The following HS3ST4 variants were observed in gnomAD, a reference collection of about 807,000 sequenced individuals.
The protein encoded by HS3ST4 is heparan sulfate-glucosamine 3-sulfotransferase 4, also known as heparan sulfate glucosamine 3-O-sulfotransferase 4.
A neutral mutation model predicts 29.2 loss-of-function variants in HS3ST4; 17 were observed. That is an observed-to-expected ratio of 0.58 (90% CI 0.40 to 0.87). HS3ST4 has a LOEUF of 0.87. HS3ST4 is among the 40% of genes least tolerant of loss of function. The probability of loss-of-function intolerance (pLI) is 0.00; values close to 1 mark genes in which losing one functional copy is unlikely to be tolerated. For missense variants in HS3ST4, 627 were observed against 634.5 expected (o/e 0.99, Z 0.13); for synonymous variants, 314 against 285.7 (o/e 1.10, Z -1.00).
chr16:25,738,374 C>T lies in HS3ST4; in HGVS notation c.734+45223C>T, dbSNP rs59453873. Among the ~76,000 whole-genome samples, 1,096 of 152,344 alleles carry T rather than the reference C, an allele frequency of 7.2e-3. 21 individuals carry two copies. The highest frequency in any genetic ancestry group is 0.025 in the African/African-American group (1,055 of 41,578). On this transcript the variant is annotated intron_variant, in intron 1 of 1. Coordinates refer to ENST00000331351, the MANE Select transcript of HS3ST4 (RefSeq NM_006040.3). Reference sequence around the variant, plus strand: ...TGCCAGGCACCCTGGCCTTCTCTCTCTTCTTTGAATAGTCCAATCTTGTTT... The same window carrying T: ...TGCCAGGCACCCTGGCCTTCTCTCTTTTCTTTGAATAGTCCAATCTTGTTT...
rs188798908 is a variant in HS3ST4 at position 26,076,776 on chromosome 16, G to C, written c.735-58836G>C. Among the ~76,000 whole-genome samples, 249 of 152,262 alleles carry C rather than the reference G, an allele frequency of 1.6e-3. 1 individual carries two copies. Among genetic ancestry groups the C allele is most frequent in the African/African-American group, 5.8e-3 (240 of 41,532 alleles). On this transcript the variant is annotated intron_variant, in intron 1 of 1. Coordinates refer to ENST00000331351, the MANE Select transcript of HS3ST4 (RefSeq NM_006040.3). ...ACTGCTTGTAAGAGTTCATAGAGTA[G>C]GCACTCTGAATTCCTTAGAAATTGT...
intron 1 of HS3ST4, among the ~76,000 whole-genome samples, chr16:26,006,615 A>G (rs1002882274): frequency 6.6e-6 from 1 of 152,208 alleles, no homozygotes; most frequent in Non-Finnish European, 1.5e-5. Context: ...TTGGATGGGC[A>G]TGCAATCATA....
At chr16:25,844,802 C>T (rs893142152) in intron 1 of HS3ST4, among the ~76,000 whole-genome samples, 1 of 152,156 alleles carries the variant, frequency 6.6e-6, no homozygotes, top group African/African-American at 2.4e-5. Context: ...GGAATCAACC[C>T]AAATGCCATC....
intron 1 of HS3ST4, among the ~76,000 whole-genome samples, chr16:25,863,921 T>C (rs2141656091): frequency 6.6e-6 from 1 of 152,378 alleles, no homozygotes; most frequent in Admixed American, 6.5e-5. Flanking sequence ...TTCTGGAGGC[T>C]GGAAGTCCAA....
At chr16:25,964,764 C>T (rs1968827382) in intron 1 of HS3ST4, among the ~76,000 whole-genome samples, 1 of 152,132 alleles carries the variant, frequency 6.6e-6, no homozygotes, top group East Asian at 1.9e-4. Context: ...CTCATCAGTT[C>T]AATCATAGTG....
At chr16:26,102,482 C>T (rs906159774) in intron 1 of HS3ST4, among the ~76,000 whole-genome samples, 3 of 152,118 alleles carry the variant, frequency 2.0e-5, no homozygotes, top group Admixed American at 2.0e-4. Flanking sequence ...CTTCGTGGTG[C>T]CATTTTCTTC....
chr16:25,783,271 T>A (rs757051459), intron 1 of HS3ST4, among the ~76,000 whole-genome samples: 13 of 152,332 alleles, frequency 8.5e-5, no homozygotes, highest in Non-Finnish European at 1.8e-4. Flanking sequence ...GGACTCCTCC[T>A]CCAAGCCTTT....
At chr16:25,888,092 A>G (rs1436646772) in intron 1 of HS3ST4, among the ~76,000 whole-genome samples, 1 of 152,094 alleles carries the variant, frequency 6.6e-6, no homozygotes, top group Non-Finnish European at 1.5e-5. Context: ...TGAAAGTTGA[A>G]TCTGATTGGA....
rs117590191 is a variant in HS3ST4 at position 26,022,264 on chromosome 16, C to T, written c.735-113348C>T. Reference sequence around the variant, plus strand: ...GATTCTATGCATTAGCCATGGCAACCAGCTAAGTTCTCTTCTCAGCAAAAT... The same window carrying T: ...GATTCTATGCATTAGCCATGGCAACTAGCTAAGTTCTCTTCTCAGCAAAAT... On this transcript the variant is annotated intron_variant, in intron 1 of 1. Coordinates refer to ENST00000331351, the MANE Select transcript of HS3ST4 (RefSeq NM_006040.3). 8.8e-3 allele frequency among the ~76,000 whole-genome samples: 1,341 copies of T among 152,232 alleles called. 9 individuals carry two copies. Among genetic ancestry groups the T allele is most frequent in the Non-Finnish European group, 0.014 (981 of 68,012 alleles).
intron 1 of HS3ST4, among the ~76,000 whole-genome samples, chr16:26,046,145 A>ATTTTTTTT (rs146624042): frequency 8.7e-6 from 1 of 114,640 alleles, no homozygotes; most frequent in Non-Finnish European, 1.7e-5. Flanking sequence ...AGGACAGGAA[A>ATTTTTTTT]TTTTTTTTTT....
intron 1 of HS3ST4, among the ~76,000 whole-genome samples, chr16:25,974,580 C>A (rs1263675415): frequency 6.6e-6 from 1 of 150,834 alleles, no homozygotes; most frequent in African/African-American, 2.4e-5. Context: ...AAACTCTCCC[C>A]TTTAGAGGGT....
chr16:25,869,698 T>A (rs1967729871), intron 1 of HS3ST4, among the ~76,000 whole-genome samples: 1 of 152,100 alleles, frequency 6.6e-6, no homozygotes, highest in African/African-American at 2.4e-5. Flanking sequence ...ATTCATATGA[T>A]CCTCCCAGAA....
intron 1 of HS3ST4, among the ~76,000 whole-genome samples, chr16:26,026,478 T>C (rs1969474945): frequency 6.6e-6 from 1 of 152,180 alleles, no homozygotes; most frequent in South Asian, 2.1e-4. Flanking sequence ...TCTTTCTCCT[T>C]TGCTATTATC....
chr16:25,776,933 T>C (rs536596347), intron 1 of HS3ST4, among the ~76,000 whole-genome samples: 1 of 152,204 alleles, frequency 6.6e-6, no homozygotes, highest in Non-Finnish European at 1.5e-5. Flanking sequence ...ATACGTTCTG[T>C]TTTTACTAAC....
intron 1 of HS3ST4, among the ~76,000 whole-genome samples, chr16:25,977,532 A>G (rs566366419): frequency 6.6e-6 from 1 of 152,300 alleles, no homozygotes; most frequent in Admixed American, 6.5e-5. Flanking sequence ...GTACACATCT[A>G]TCATTGTAAT....
At chr16:25,978,888 C>T (rs941116004) in intron 1 of HS3ST4, among the ~76,000 whole-genome samples, 3 of 151,024 alleles carry the variant, frequency 2.0e-5, no homozygotes, top group Admixed American at 6.6e-5. Flanking sequence ...ACAGTGATGA[C>T]GTGGGAGCTA....
At chr16:25,906,241 T>C (rs1968178469) in intron 1 of HS3ST4, among the ~76,000 whole-genome samples, 1 of 152,190 alleles carries the variant, frequency 6.6e-6, no homozygotes, top group South Asian at 2.1e-4. Context: ...TTTTCACTTT[T>C]AATCTGGCTT....
chr16:25,999,178 T>G (rs919193127), intron 1 of HS3ST4, among the ~76,000 whole-genome samples: 1 of 152,158 alleles, frequency 6.6e-6, no homozygotes, highest in Non-Finnish European at 1.5e-5. Flanking sequence ...AAGGTGTAGG[T>G]TCACCTTAGG....
chr16:25,862,395 A>G (rs916805742), intron 1 of HS3ST4, among the ~76,000 whole-genome samples: 1 of 152,072 alleles, frequency 6.6e-6, no homozygotes, highest in Non-Finnish European at 1.5e-5. Context: ...GTTTCACTAT[A>G]TAGCCCAGGC....
Sources: allele counts gnomAD v4.1 joint callset (sites outside exome capture counted in the v4.1 genomes callset), GRCh38; gene constraint gnomAD v4.1.1; transcripts MANE v1.5; gene names NCBI Gene and HGNC (gene_info 2026-07-23, HGNC 2026-07-21).